The following SMYD3 variants were observed in gnomAD, a reference collection of about 807,000 sequenced individuals.
SMYD3 encodes the protein SET and MYND domain containing 3.
SMYD3 carries 36 observed loss-of-function variants against 57.7 expected under a neutral mutation model. That is an observed-to-expected ratio of 0.62 (90% confidence interval 0.48 to 0.82). The LOEUF (loss-of-function observed/expected upper bound fraction) is 0.82, where lower values mean the gene tolerates loss of function less well. Ranked by LOEUF, SMYD3 falls within the 40% of genes least tolerant of loss-of-function variation. The pLI is 0.00. For synonymous variants in SMYD3, 211 were observed against 195.0 expected (o/e 1.08, Z -0.68); for missense variants, 515 against 538.8 (o/e 0.96, Z 0.44).
At chr1:245,818,578 C>T (rs1263802878) in intron 10 of SMYD3, among the ~76,000 whole-genome samples, 1 of 151,788 alleles carries the variant, frequency 6.6e-6, no homozygotes, top group Non-Finnish European at 1.5e-5. Flanking sequence ...CTAAATGCTC[C>T]AATTAAAAGA....
At chr1:246,141,253 C>A (rs990418138) in intron 5 of SMYD3, among the ~76,000 whole-genome samples, 4 of 152,162 alleles carry the variant, frequency 2.6e-5, no homozygotes, top group African/African-American at 9.7e-5. Context: ...ACAACCCATA[C>A]TGAACTCAGC....
intron 5 of SMYD3, among the ~76,000 whole-genome samples, chr1:246,185,277 C>A (rs2062614115): frequency 6.6e-6 from 1 of 151,924 alleles, no homozygotes; most frequent in African/African-American, 2.4e-5. Flanking sequence ...TTGCTCTATC[C>A]CCCAGGCTGG....
At chr1:245,960,755 C>CAAATAAATAA (rs1558536430) in intron 5 of SMYD3, among the ~76,000 whole-genome samples, 96 of 129,030 alleles carry the variant, frequency 7.4e-4, no homozygotes, top group African/African-American at 2.8e-3. Flanking sequence ...AAATAAATGG[C>CAAATAAATAA]ATAAATTAGC....
intron 1 of SMYD3, among the ~76,000 whole-genome samples, chr1:246,435,820 G>GAATTCCAAGAATTCCAAGGAGAA (rs1422428575): frequency 3.5e-4 from 53 of 151,912 alleles, no homozygotes; most frequent in East Asian, 2.5e-3. Context: ...GAAGATACAA[G>GAATTCCAAGAATTCCAAGGAGAA]GAAACTGGAC....
chr1:245,886,287 C>T (rs1553351275), intron 8 of SMYD3, among the ~76,000 whole-genome samples: 1 of 151,744 alleles, frequency 6.6e-6, no homozygotes, highest in Non-Finnish European at 1.5e-5. Context: ...ATTTACATAT[C>T]AAAACAAGAG....
intron 7 of SMYD3, among the ~76,000 whole-genome samples, chr1:245,921,570 T>TATATATATATATATATACACACACAC (rs1231534223): frequency 6.8e-6 from 1 of 147,982 alleles, no homozygotes; most frequent in African/African-American, 2.5e-5. Context: ...TATATATATA[T>TATATATATATATATATACACACACAC]ACACATACCA....
intron 10 of SMYD3, among the ~76,000 whole-genome samples, chr1:245,842,478 A>G (rs2050453374): frequency 6.6e-6 from 1 of 152,154 alleles, no homozygotes; most frequent in South Asian, 2.1e-4. Flanking sequence ...ATCCTGACAG[A>G]ACACACTCTG....
At chr1:245,967,491 G>C (rs912820642) in intron 5 of SMYD3, among the ~76,000 whole-genome samples, 2 of 152,176 alleles carry the variant, frequency 1.3e-5, no homozygotes, top group Non-Finnish European at 2.9e-5. Context: ...AAATGCATAG[G>C]GGCATTTGTG....
chr1:245,995,458 T>C (rs1460912257), intron 5 of SMYD3, among the ~76,000 whole-genome samples: 1 of 152,240 alleles, frequency 6.6e-6, no homozygotes, highest in Non-Finnish European at 1.5e-5. Flanking sequence ...ACAGGTAATT[T>C]ATGCCAACGT....
At chr1:245,880,731 C>T (rs1371415198) in intron 8 of SMYD3, among the ~76,000 whole-genome samples, 1 of 152,188 alleles carries the variant, frequency 6.6e-6, no homozygotes, top group East Asian at 1.9e-4. Flanking sequence ...CTCTCTGCTA[C>T]ACCACACTGC....
intron 1 of SMYD3, among the ~76,000 whole-genome samples, chr1:246,485,615 C>CG (rs1553355388): frequency 4.6e-5 from 7 of 151,726 alleles, no homozygotes; most frequent in Middle Eastern, 3.4e-3. Context: ...GACCCCCCCC[C>CG]ACATCTCTAC....
intron 10 of SMYD3, among the ~76,000 whole-genome samples, chr1:245,832,132 C>T (rs900769220): frequency 1.3e-5 from 2 of 152,170 alleles, no homozygotes; most frequent in Non-Finnish European, 2.9e-5. Flanking sequence ...TCTCATCTAA[C>T]CTAAAGCCTG....
chr1:245,897,319 G>A (rs2053885050), intron 8 of SMYD3, among the ~76,000 whole-genome samples: 1 of 152,124 alleles, frequency 6.6e-6, no homozygotes, highest in Admixed American at 6.5e-5. Context: ...GTAGGTCGTG[G>A]GCAGGAGCAA....
At chr1:245,839,844 A>T (rs1316397681) in intron 10 of SMYD3, among the ~76,000 whole-genome samples, 1 of 152,148 alleles carries the variant, frequency 6.6e-6, no homozygotes, top group Non-Finnish European at 1.5e-5. Flanking sequence ...AAAAAAAACA[A>T]TTTTTTAAAT....
chr1:246,343,548 G>A (rs1171726952), intron 2 of SMYD3, among the ~76,000 whole-genome samples: 1 of 152,168 alleles, frequency 6.6e-6, no homozygotes, highest in Non-Finnish European at 1.5e-5. Context: ...CAGAATTCCA[G>A]AAAGGATCTA....
chr1:245,763,159 T>C lies in SMYD3; in HGVS notation c.1185+882A>G, dbSNP rs182103655. Among the ~76,000 whole-genome samples, 974 of 152,326 alleles carry C rather than the reference T, an allele frequency of 6.4e-3. 4 individuals are homozygous for C. Among genetic ancestry groups the C allele is most frequent in the Non-Finnish European group, 8.9e-3 (606 of 68,034 alleles). ...ACCCTAAACCAGTTCTCCCAATTAGTTTCTTGACACTTATTGCCAGAACCG... is the reference window on the plus strand; with the variant it reads ...ACCCTAAACCAGTTCTCCCAATTAGCTTCTTGACACTTATTGCCAGAACCG... On this transcript the variant is annotated intron_variant, in intron 11 of 11. Coordinates refer to ENST00000490107, the MANE Select transcript of SMYD3 (RefSeq NM_001167740.2).
At chr1:245,968,514 A>G (rs2058213106) in intron 5 of SMYD3, among the ~76,000 whole-genome samples, 1 of 152,330 alleles carries the variant, frequency 6.6e-6, no homozygotes, top group East Asian at 1.9e-4. Flanking sequence ...TTATATTGAA[A>G]AAGGCAGGTA....
chr1:246,217,109 A>G (rs1022593372), intron 5 of SMYD3, among the ~76,000 whole-genome samples: 1 of 151,834 alleles, frequency 6.6e-6, no homozygotes, highest in Non-Finnish European at 1.5e-5. Flanking sequence ...AGAAGTTGGC[A>G]TCTAACCAAG....
chr1:246,479,111 T>C (rs572829985), intron 1 of SMYD3, among the ~76,000 whole-genome samples: 21 of 151,610 alleles, frequency 1.4e-4, no homozygotes, highest in African/African-American at 5.1e-4. Flanking sequence ...TATGTACACC[T>C]GTCCTCTGTC....
Sources: allele counts gnomAD v4.1 joint callset (sites outside exome capture counted in the v4.1 genomes callset), GRCh38; gene constraint gnomAD v4.1.1; transcripts MANE v1.5; gene names NCBI Gene and HGNC (gene_info 2026-07-23, HGNC 2026-07-21).